Variants in DAB1 observed in about 807,000 individuals in gnomAD.
DAB1 encodes the protein disabled homolog 1.
In DAB1, 15 loss-of-function variants were observed where a neutral mutation model predicts 64.6. The observed-to-expected ratio is 0.23, with a 90% CI of 0.16 to 0.36. The LOEUF (loss-of-function observed/expected upper bound fraction) is 0.36. DAB1 is among the 10% of genes least tolerant of loss of function. The probability of loss-of-function intolerance (pLI) is 1.00; values close to 1 mark genes in which losing one functional copy is unlikely to be tolerated. For missense variants in DAB1, 596 were observed against 706.7 expected, an observed-to-expected ratio of 0.84 and a Z score of 1.78; for synonymous variants, 235 against 251.9, an observed-to-expected ratio of 0.93 and a Z score of 0.64.
chr1:57,652,227 C>T (rs72676999), intron 6 of DAB1, among the ~76,000 whole-genome samples: 40,467 of 151,992 alleles, frequency 0.27, 5,584 homozygotes, highest in Admixed American at 0.35. Context: ...GTTTTTTGCA[C>T]GTCTGATGAC....
intron 7 of DAB1, among the ~76,000 whole-genome samples, chr1:57,445,389 G>A (rs1314727378): frequency 6.6e-6 from 1 of 152,130 alleles, no homozygotes; most frequent in African/African-American, 2.4e-5. Context: ...AGCTCAGGCT[G>A]AGGAAATTGT....
chr1:58,353,934 TG>T (rs1377955637), intron 3 of DAB1, among the ~76,000 whole-genome samples: 1 of 152,198 alleles, frequency 6.6e-6, no homozygotes, highest in East Asian at 1.9e-4. Flanking sequence ...GGTGCATTTT[TG>T]GTGCATTATG....
At chr1:57,146,119 A>T (rs1659105651) in intron 2 of DAB1, among the ~76,000 whole-genome samples, 1 of 152,206 alleles carries the variant, frequency 6.6e-6, no homozygotes, top group African/African-American at 2.4e-5. Context: ...TATCTACATG[A>T]AGTGAGGACA....
intron 3 of DAB1, among the ~76,000 whole-genome samples, chr1:58,421,657 A>G (rs929027641): frequency 2.6e-5 from 4 of 152,150 alleles, no homozygotes; most frequent in African/African-American, 9.7e-5. Context: ...CCACACAGAG[A>G]GTTCTGTGAT....
intron 5 of DAB1, among the ~76,000 whole-genome samples, chr1:58,132,229 G>A (rs893297207): frequency 1.3e-5 from 2 of 152,062 alleles, no homozygotes; most frequent in African/African-American, 4.8e-5. Flanking sequence ...TTCCAGGTGC[G>A]GTCCGTCAGC....
chr1:58,115,896 C>A (rs543626745), intron 5 of DAB1, among the ~76,000 whole-genome samples: 5 of 131,458 alleles, frequency 3.8e-5, no homozygotes, highest in East Asian at 2.2e-4. Flanking sequence ...CTAGATGACA[C>A]ATTAGTGGGT....
chr1:57,596,558 G>C (rs1645512607), intron 7 of DAB1, among the ~76,000 whole-genome samples: 1 of 152,108 alleles, frequency 6.6e-6, no homozygotes, highest in South Asian at 2.1e-4. Context: ...CCTGGGGCTA[G>C]AGCAGTGTAG....
intron 3 of DAB1, among the ~76,000 whole-genome samples, chr1:58,346,933 C>G (rs1644006918): frequency 6.6e-6 from 1 of 152,222 alleles, no homozygotes; most frequent in Admixed American, 6.5e-5. Flanking sequence ...ACTCCACCAT[C>G]TATTAGCTGT....
chr1:58,340,611 C>T (rs556640451), intron 4 of DAB1, among the ~76,000 whole-genome samples: 2 of 152,266 alleles, frequency 1.3e-5, no homozygotes, highest in South Asian at 4.1e-4. Flanking sequence ...AGGGTCTGAA[C>T]AAATGTGAGG....
chr1:57,260,385 G>A (rs770897254), intron 2 of DAB1, among the ~76,000 whole-genome samples: 13 of 152,160 alleles, frequency 8.5e-5, no homozygotes, highest in Non-Finnish European at 1.3e-4. Context: ...GTAACCTGTG[G>A]GAGGGGATCT....
At chr1:58,441,059 G>T (rs140526693) in intron 3 of DAB1, among the ~76,000 whole-genome samples, 1 of 152,318 alleles carries the variant, frequency 6.6e-6, no homozygotes, top group African/African-American at 2.4e-5. Context: ...TCTGTCGGTC[G>T]TTGGTTCAAA....
downstream of DAB1, among the ~76,000 whole-genome samples, chr1:57,823,882 C>T (rs552624761): frequency 1.3e-5 from 2 of 152,258 alleles, no homozygotes; most frequent in East Asian, 3.9e-4. Flanking sequence ...GCCTTACCAG[C>T]TAGCAAATAG....
chr1:57,820,710 C>T (rs1440919145), intron 6 of DAB1, among the ~76,000 whole-genome samples: 1 of 152,152 alleles, frequency 6.6e-6, no homozygotes, highest in East Asian at 1.9e-4. Context: ...CTTTGCCATA[C>T]ATCTATCCAG....
At chr1:57,620,108 G>A (rs12045520) in intron 7 of DAB1, among the ~76,000 whole-genome samples, 38,203 of 151,956 alleles carry the variant, frequency 0.25, 5,251 homozygotes, top group East Asian at 0.61. Flanking sequence ...GCAGGCTTGC[G>A]GGCTTGTTTT....
chr1:57,899,792 C>T (rs184110891), intron 5 of DAB1, among the ~76,000 whole-genome samples: 98 of 152,208 alleles, frequency 6.4e-4, no homozygotes, highest in Non-Finnish European at 1.2e-3. Flanking sequence ...ATCCGGCTCT[C>T]GCATTGGACT....
At chr1:57,241,274 T>C (rs1326158010) in intron 2 of DAB1, among the ~76,000 whole-genome samples, 2 of 152,326 alleles carry the variant, frequency 1.3e-5, no homozygotes, top group Middle Eastern at 3.4e-3. Context: ...TATACAAATA[T>C]ACAGTGTAAT....
At chr1:57,446,680 C>T (rs918589087) in intron 7 of DAB1, among the ~76,000 whole-genome samples, 2 of 151,516 alleles carry the variant, frequency 1.3e-5, no homozygotes, top group African/African-American at 2.4e-5. Flanking sequence ...CCCACCTGCA[C>T]AGTGATTCTT....
At chr1:58,225,909 A>G (rs1275451428) in intron 4 of DAB1, among the ~76,000 whole-genome samples, 1 of 149,606 alleles carries the variant, frequency 6.7e-6, no homozygotes, top group Non-Finnish European at 1.5e-5. Flanking sequence ...ATGTATACAT[A>G]TGTAACTAAC....
chr1:57,978,284 T>C (rs1263063958), intron 5 of DAB1, among the ~76,000 whole-genome samples: 2 of 152,178 alleles, frequency 1.3e-5, no homozygotes, highest in Non-Finnish European at 2.9e-5. Context: ...AATCTGATCT[T>C]TGACAAACCT....
Sources: allele counts gnomAD v4.1 joint callset (sites outside exome capture counted in the v4.1 genomes callset), GRCh38; gene constraint gnomAD v4.1.1; transcripts MANE v1.5; gene names NCBI Gene and HGNC (gene_info 2026-07-23, HGNC 2026-07-21).